CDH26: variants seen among roughly 807,000 people sequenced by gnomAD.
CDH26 encodes cadherin 26, also known as cadherin-like protein 26.
CDH26 carries 83 observed loss-of-function variants against 90.3 expected under a neutral mutation model. The ratio of observed to expected loss-of-function variants is 0.92; its 90% CI spans 0.77 to 1.10. The LOEUF (loss-of-function observed/expected upper bound fraction) is 1.10. Among genes scored for constraint, CDH26 ranks in the 50% least tolerant of loss-of-function variants. CDH26 has a pLI of 0.00. For synonymous variants in CDH26, 397 were observed against 396.3 expected, an observed-to-expected ratio of 1.00 and a Z score of -0.02; for missense variants, 1,013 against 1,037.6, an observed-to-expected ratio of 0.98 and a Z score of 0.33.
chr20:60,032,141 A>G (rs980923689), intron 8 of CDH26, among the ~76,000 whole-genome samples: 1 of 152,236 alleles, frequency 6.6e-6, no homozygotes, highest in Non-Finnish European at 1.5e-5. Flanking sequence ...TCACCCTGAA[A>G]TTCATCTGTG....
chr20:59,975,631 T>G (rs2061319576), intron 4 of CDH26, among the ~76,000 whole-genome samples: 1 of 152,228 alleles, frequency 6.6e-6, no homozygotes, highest in South Asian at 2.1e-4. Context: ...AGACATGTCC[T>G]ATAAATTAGG....
intron 8 of CDH26, among the ~76,000 whole-genome samples, chr20:59,987,883 C>T (rs1326431212): frequency 6.6e-5 from 10 of 152,150 alleles, no homozygotes; most frequent in Admixed American, 6.5e-4. Context: ...AAATACTTCA[C>T]CATTTAATTT....
intron 4 of CDH26, among the ~76,000 whole-genome samples, chr20:59,978,426 A>G (rs2061351568): frequency 6.7e-6 from 1 of 149,034 alleles, no homozygotes; most frequent in Non-Finnish European, 1.5e-5. Flanking sequence ...CCCAGGCTGG[A>G]GTGCAATGGG....
Position 59,994,494 on chromosome 20 carries a change from G to A in CDH26, c.1666+5G>A, listed in dbSNP as rs2061567396. 6.2e-7 allele frequency: 1 copy of A among 1,613,474 alleles called. No individual in the cohort carries two copies. Among genetic ancestry groups the A allele is most frequent in the African/African-American group, 1.3e-5 (1 of 74,914 alleles). On this transcript the variant is annotated splice_donor_5th_base_variant and intron_variant, in intron 11 of 17. Transcript: ENST00000348616. The stretch of plus-strand genomic sequence containing the variant: ...GGAAGTTGGGGAGAAATTGGGGTGA[G>A]TTTTTGTATTGGTTACGGGCAAAGA...
In CDH26 at chr20:59,992,572, C is replaced by T. The variant is rs753643396; in HGVS notation, c.1426+52C>T. 1.4e-5 allele frequency: 23 copies of T among 1,590,862 alleles called. No homozygotes were observed. The highest frequency in any genetic ancestry group is 1.1e-4 in the East Asian group (5 of 44,688). Reference sequence around the variant, plus strand: ...ATAAAATGCTCATTCTTGCTTCCTGCGGGAAAATAACCCTGGTGAGCGTCT... The same window carrying T: ...ATAAAATGCTCATTCTTGCTTCCTGTGGGAAAATAACCCTGGTGAGCGTCT... On this transcript the variant is annotated intron_variant, in intron 10 of 17. Transcript: ENST00000348616. The surrounding 1 kb of genome is among the most constrained non-coding windows in gnomAD (Gnocchi z 5.0).
At chr20:60,010,200 C>T (rs2146020340) in intron 17 of CDH26, among the ~76,000 whole-genome samples, 1 of 152,196 alleles carries the variant, frequency 6.6e-6, no homozygotes, top group African/African-American at 2.4e-5. Flanking sequence ...GGGCGGGGGG[C>T]ATAGTTAAGA....
chr20:59,986,609 A>G (rs2061461316), intron 7 of CDH26, among the ~76,000 whole-genome samples: 1 of 129,408 alleles, frequency 7.7e-6, no homozygotes, highest in African/African-American at 3.1e-5. Flanking sequence ...TATTTTATAA[A>G]TCCCCCTACA....
chr20:59,964,343 C>T (rs907765001), intron 1 of CDH26, among the ~76,000 whole-genome samples: 1 of 152,154 alleles, frequency 6.6e-6, no homozygotes, highest in Non-Finnish European at 1.5e-5. Flanking sequence ...ATGTGCAGGG[C>T]GGACCATGCA....
intron 12 of CDH26, 82 bp downstream of exon 12, chr20:59,996,136 G>T: frequency 2.9e-6 from 4 of 1,374,790 alleles, no homozygotes; most frequent in East Asian, 4.9e-5. Context: ...TGCTGGGGTA[G>T]GGGACAGCGG....
At chr20:59,994,624 G>T in intron 11 of CDH26, 135 bp downstream of exon 11, 1 of 1,099,218 alleles carries the variant, frequency 9.1e-7, no homozygotes, top group Non-Finnish European at 1.3e-6. Context: ...GGCTCTAGGT[G>T]CTCAAAGGAT....
At chr20:60,024,309 C>T (rs1273913949) in intron 7 of CDH26, among the ~76,000 whole-genome samples, 1 of 152,162 alleles carries the variant, frequency 6.6e-6, no homozygotes, top group Non-Finnish European at 1.5e-5. Context: ...AGGGAAGAGC[C>T]TCTGAGAACA....
chr20:60,032,724 C>A (rs964126308), intron 8 of CDH26, among the ~76,000 whole-genome samples: 1 of 151,744 alleles, frequency 6.6e-6, no homozygotes, highest in Non-Finnish European at 1.5e-5. Flanking sequence ...TGGAAATCAT[C>A]ATTCTCAGTA....
At position 59,986,758 on chromosome 20, in the gene CDH26, T is replaced by C. The variant is rs138930437; in HGVS notation, c.838-695T>C. On this transcript the variant is annotated intron_variant, in intron 7 of 17. Coordinates refer to ENST00000348616, the MANE Select transcript of CDH26 (RefSeq NM_177980.4). ...ATAGAAGCTGTTGTTGAATAAATGA[T>C]GCAAACAATTATTTTTAAAAGGTGT... Among the ~76,000 whole-genome samples, 5 of 152,174 alleles carry C rather than the reference T, an allele frequency of 3.3e-5. No individual in the cohort carries two copies. In the East Asian group the frequency reaches 9.7e-4, roughly 29 times the overall value.
At chr20:60,018,734 T>TTTTTTTTTTTTTTTTTTTTTC (rs2061928083), downstream of CDH26, among the ~76,000 whole-genome samples, 1 of 77,568 alleles carries the variant, frequency 1.3e-5, no homozygotes, top group Non-Finnish European at 2.7e-5. Flanking sequence ...TTTTTTTTTT[T>TTTTTTTTTTTTTTTTTTTTTC]TTGCAGTTGG....
intron 4 of CDH26, among the ~76,000 whole-genome samples, chr20:59,980,404 C>T (rs1177798902): frequency 6.6e-6 from 1 of 152,044 alleles, no homozygotes; most frequent in East Asian, 1.9e-4. Context: ...AAGCAATTCT[C>T]CTGCCTCAGC....
downstream of CDH26, among the ~76,000 whole-genome samples, chr20:60,018,538 AT>A (rs1277872772): frequency 6.6e-6 from 1 of 151,868 alleles, no homozygotes; most frequent in African/African-American, 2.4e-5. Flanking sequence ...TAGTTGGGTT[AT>A]TTTAAAATTC....
At chr20:60,021,873 C>CACACACACATACACACACACACACAT (rs1569068662) in intron 7 of CDH26, among the ~76,000 whole-genome samples, 1 of 105,208 alleles carries the variant, frequency 9.5e-6, no homozygotes, top group Non-Finnish European at 2.2e-5. Context: ...CACACACACA[C>CACACACACATACACACACACACACAT]ACACACACAC....
rs545042684 is a variant in CDH26 at position 60,014,424 on chromosome 20, A to G, written c.*1694A>G. 2 of 152,252 alleles carry G rather than the reference A, an allele frequency of 1.3e-5. No individual in the cohort carries two copies. The highest frequency in any genetic ancestry group is 2.9e-5 in the Non-Finnish European group (2 of 68,044). The allele number at this position is 152,252 out of a possible 1,614,324, so 9.4% of individuals were successfully genotyped here. A position where few individuals can be genotyped will look rare whatever the true frequency, so the allele number is the denominator to read the frequency against. On this transcript the variant is annotated 3_prime_UTR_variant, in exon 18 of 18. Coordinates refer to ENST00000348616, the MANE Select transcript of CDH26 (RefSeq NM_177980.4). ...TAGGAATAATTTGCTGTAATTTTGT[A>G]TCCTTTAATAAATCTCTCCCTATCC...
At chr20:59,989,849 T>G (rs368923351) in intron 9 of CDH26, among the ~76,000 whole-genome samples, 107 of 152,028 alleles carry the variant, frequency 7.0e-4, no homozygotes, top group Middle Eastern at 3.4e-3. Flanking sequence ...AAAGTGAGGG[T>G]TTTTTTTGTA....
Sources: allele counts gnomAD v4.1 joint callset (sites outside exome capture counted in the v4.1 genomes callset), GRCh38; gene constraint gnomAD v4.1.1; non-coding constraint Gnocchi (gnomAD v3.1); transcripts MANE v1.5; gene names NCBI Gene and HGNC (gene_info 2026-07-23, HGNC 2026-07-21).